The following MSMP variants were observed in gnomAD, a reference collection of about 807,000 sequenced individuals.
MSMP encodes the protein microseminoprotein, prostate associated.
Under a neutral mutation model 15.8 loss-of-function variants are expected in MSMP, and 9 were observed. The ratio of observed to expected loss-of-function variants is 0.57; its 90% CI spans 0.34 to 0.99. The LOEUF is 0.99. Ranked by LOEUF, MSMP falls within the 50% of genes least tolerant of loss-of-function variation. The pLI is 0.02. For missense variants in MSMP, 170 were observed against 173.4 expected (o/e 0.98, Z 0.11); for synonymous variants, 64 against 64.4 (o/e 0.99, Z 0.03).
In MSMP at chr9:35,754,154, C is replaced by G; in HGVS notation, c.-25G>C. 1 of 1,598,602 alleles carries G rather than the reference C, an allele frequency of 6.3e-7. No homozygotes were observed. The highest frequency in any genetic ancestry group is 8.5e-7 in the Non-Finnish European group (1 of 1,170,464). ...TTGCTGCTGCACAGCCCTCTCAGAC[C>G]CTTCTTGGCCTCTGCTCAGCTACTC... On this transcript the variant is annotated 5_prime_UTR_variant, in exon 1 of 3. Coordinates refer to ENST00000436428, the MANE Select transcript of MSMP (RefSeq NM_001044264.3).
At position 35,753,368 on chromosome 9, in the gene MSMP, C is replaced by G; in HGVS notation, c.240-88G>C. ...CATGTTCCCTCTCTCACAGTTTTCC[C>G]CCCACAGAGCCCCTTTCAGTGGCCC... On this transcript the variant is annotated intron_variant, in intron 2 of 2. Transcript: ENST00000436428. The surrounding 1 kb of genome is among the most constrained non-coding windows in gnomAD (Gnocchi z 4.2). 7.0e-7 allele frequency: 1 copy of G among 1,420,538 alleles called. No homozygotes were observed. The allele number at this position is 1,420,538 out of a possible 1,614,324, so 88.0% of individuals were successfully genotyped here.
rs1181901528 is a variant in MSMP, at chr9:35,753,353, C to G, written c.240-73G>C. On this transcript the variant is annotated intron_variant, in intron 2 of 2. Coordinates refer to ENST00000436428, the MANE Select transcript of MSMP (RefSeq NM_001044264.3). This position sits in a 1 kb window ranked among gnomAD's most constrained non-coding sequence, Gnocchi z 4.2. The stretch of plus-strand genomic sequence containing the variant: ...CTTTATCCCTGCCCACATGTTCCCT[C>G]TCTCACAGTTTTCCCCCCACAGAGC... The G allele has an allele frequency of 3.3e-6, 5 of 1,517,154 alleles. No homozygotes were observed. The allele number at this position is 1,517,154 out of a possible 1,614,324, so 94.0% of individuals were successfully genotyped here.
Position 35,753,069 on chromosome 9 carries a change from G to A in MSMP, c.*31C>T. 1 of 1,606,622 alleles carries A rather than the reference G, an allele frequency of 6.2e-7. No homozygotes were observed. The highest frequency in any genetic ancestry group is 8.5e-7 in the Non-Finnish European group (1 of 1,174,342). On this transcript the variant is annotated 3_prime_UTR_variant, in exon 3 of 3. Coordinates refer to ENST00000436428, the MANE Select transcript of MSMP (RefSeq NM_001044264.3). This position sits in a 1 kb window ranked among gnomAD's most constrained non-coding sequence, Gnocchi z 4.2. ...TTTCCCTGGAAGTGGCAGCAGCAGT[G>A]AGCAGTCAGCAGATGGATGATCAGT...
chr9:35,754,041 T>C lies in MSMP; in HGVS notation c.89A>G (p.Gln30Arg), dbSNP rs369618835. 2.0e-5 allele frequency: 32 copies of C among 1,613,776 alleles called. No individual in the cohort carries two copies. The African/African-American group carries it at 4.0e-4, about 20-fold the overall frequency. Residue 30 changes from glutamine (Q) to arginine (R), a missense_variant, in exon 1 of 3, where the codon CAG becomes CGG. By Grantham distance (43) the Gln-to-Arg change is conservative. Transcript: ENST00000436428. ...IICLVMSLLL[Q>R]HPGVYSKCYF... Reference sequence around the variant, plus strand: ...GCACTTGCTGTAGACTCCTGGGTGCTGGAGGAGTAGAGACATCACCAAGCA... The same window carrying C: ...GCACTTGCTGTAGACTCCTGGGTGCCGGAGGAGTAGAGACATCACCAAGCA...
At position 35,753,703 on chromosome 9, in the gene MSMP, G is replaced by A; in HGVS notation, c.196C>T (p.His66Tyr). 6.2e-7 allele frequency: 1 copy of A among 1,614,106 alleles called. No homozygotes were observed. The highest frequency in any genetic ancestry group is 8.5e-7 in the Non-Finnish European group (1 of 1,180,020). The change falls in exon 2 of 3, where the codon CAT becomes TAT. Residue 66 changes from histidine to tyrosine, a missense_variant. Physicochemically the swap from His to Tyr is moderately conservative, Grantham distance 83. Coordinates refer to ENST00000436428, the MANE Select transcript of MSMP (RefSeq NM_001044264.3). This position sits in a 1 kb window ranked among gnomAD's most constrained non-coding sequence, Gnocchi z 4.2. ...GESWLRKDCF[H>Y]CTCLHPVGVG... The stretch of plus-strand genomic sequence containing the variant: ...CCAACAGGATGCAGACAGGTGCAAT[G>A]GAAACAGTCCTTGCGGAGCCAAGAC...
In MSMP at chr9:35,753,685, G is replaced by C; in HGVS notation, c.214C>G (p.Pro72Ala). Reference protein sequence around the residue: ...KDCFHCTCLHPVGVGCCDTSQ... With the variant: ...KDCFHCTCLHAVGVGCCDTSQ... ...GTGTCACAGCAGCCCACGCCAACAG[G>C]ATGCAGACAGGTGCAATGGAAACAG... The change falls in exon 2 of 3, where the codon CCT (proline) becomes GCT (alanine). Residue 72 changes from proline to alanine, a missense_variant. Transcript: ENST00000436428. The surrounding 1 kb of genome is among the most constrained non-coding windows in gnomAD (Gnocchi z 4.2). 6.2e-7 allele frequency: 1 copy of C among 1,614,090 alleles called. No homozygotes were observed. Among genetic ancestry groups the C allele is most frequent in the Non-Finnish European group, 8.5e-7 (1 of 1,179,992 alleles).
At position 35,753,959 on chromosome 9, in the gene MSMP, C is replaced by T; in HGVS notation, c.130+41G>A. ...TAAGGCCCCATCCTCCCTGTGCCCT[C>T]TCTGCTGCTCCTCCATTCCTAACGC... On this transcript the variant is annotated intron_variant, in intron 1 of 2. Coordinates refer to ENST00000436428, the MANE Select transcript of MSMP (RefSeq NM_001044264.3). The surrounding 1 kb of genome is among the most constrained non-coding windows in gnomAD (Gnocchi z 4.2). 1 of 1,591,898 alleles carries T rather than the reference C, an allele frequency of 6.3e-7. No individual in the cohort carries two copies.
chr9:35,754,090 T>A lies in MSMP; in HGVS notation c.40A>T (p.Ile14Phe), dbSNP rs767766047. The part of the protein sequence containing the change: ...RMLWAGQAKG[I>F]LGGWGIICLV... ...CAGATGATCCCCCAGCCTCCTAGGA[T>A]CCCCTTGGCCTGTCCAGCCCAGAGC... The change falls in exon 1 of 3, where the codon ATC (isoleucine) becomes TTC (phenylalanine). Residue 14 changes from isoleucine (I) to phenylalanine (F), a missense_variant. Transcript: ENST00000436428. 6.2e-6 allele frequency: 10 copies of A among 1,613,540 alleles called. No individual in the cohort carries two copies. In the East Asian group the frequency reaches 2.2e-4, roughly 36 times the overall value.
At position 35,753,462 on chromosome 9, in the gene MSMP, C is replaced by A. The variant is rs139485366; in HGVS notation, c.240-182G>T. The A allele has an allele frequency of 4.8e-4, 373 of 780,734 alleles. 2 individuals carry two copies. In the East Asian group the frequency reaches 8.1e-3, roughly 17 times the overall value. 48.4% of individuals were successfully genotyped at this position (780,734 alleles called of 1,614,324 possible). On this transcript the variant is annotated intron_variant, in intron 2 of 2. Transcript: ENST00000436428. The surrounding 1 kb of genome is among the most constrained non-coding windows in gnomAD (Gnocchi z 4.2). ...TTTTGTTTTATAACAGGAGTATTTTCTCTCCAGGTCCACCCCAACCTCCCC... is the reference window on the plus strand; with the variant it reads ...TTTTGTTTTATAACAGGAGTATTTTATCTCCAGGTCCACCCCAACCTCCCC...
At position 35,753,552 on chromosome 9, in the gene MSMP, G is replaced by C; in HGVS notation, c.239+108C>G. On this transcript the variant is annotated intron_variant, in intron 2 of 2. Transcript: ENST00000436428. The surrounding 1 kb of genome is among the most constrained non-coding windows in gnomAD (Gnocchi z 4.2). ...GGTCCCTTCAGGTTTGGCCCATCTT[G>C]TATTGCTCTTCTGTTCATTCTTACA... 1.0e-6 allele frequency: 1 copy of C among 984,314 alleles called. No homozygotes were observed. Among genetic ancestry groups the C allele is most frequent in the South Asian group, 1.6e-5 (1 of 64,300 alleles). The allele number at this position is 984,314 out of a possible 1,614,324, so 61.0% of individuals were successfully genotyped here.
In MSMP at chr9:35,753,821, A is replaced by G; in HGVS notation, c.131-53T>C. 6.4e-7 allele frequency: 1 copy of G among 1,556,228 alleles called. No individual in the cohort carries two copies. The highest frequency in any genetic ancestry group is 8.9e-7 in the Non-Finnish European group (1 of 1,129,298). On this transcript the variant is annotated intron_variant, in intron 1 of 2. Coordinates refer to ENST00000436428, the MANE Select transcript of MSMP (RefSeq NM_001044264.3). The surrounding 1 kb of genome is among the most constrained non-coding windows in gnomAD (Gnocchi z 4.2). ...GTGTAGGAGTGCTGATGAGAGGCAG[A>G]GGCTCTTCTGGTCTGGGGTGGAGAC...
Position 35,753,660 on chromosome 9 carries a change from G to A in MSMP, c.239C>T (p.Thr80Met), listed in dbSNP as rs75446899. 2.8e-3 allele frequency: 4,454 copies of A among 1,612,528 alleles called. 98 individuals carry two copies. The African/African-American group carries it at 0.048, about 17-fold the overall frequency. ...LHPVGVGCCD[T>M]SQHPIDFPAG... ...TCTCTGGCCATCTTTGGTCACTCAC[G>A]TGTCACAGCAGCCCACGCCAACAGG... Residue 80 changes from threonine (T) to methionine (M), a missense_variant and splice_region_variant, in exon 2 of 3, where the codon ACG (threonine) becomes ATG (methionine). By Grantham distance (81) the Thr-to-Met change is moderately conservative. Coordinates refer to ENST00000436428, the MANE Select transcript of MSMP (RefSeq NM_001044264.3). This position sits in a 1 kb window ranked among gnomAD's most constrained non-coding sequence, Gnocchi z 4.2.
chr9:35,753,795 G>T lies in MSMP; in HGVS notation c.131-27C>A, dbSNP rs1185259343. On this transcript the variant is annotated intron_variant, in intron 1 of 2. Transcript: ENST00000436428. This position sits in a 1 kb window ranked among gnomAD's most constrained non-coding sequence, Gnocchi z 4.2. ...TAGGGAAGAACGGGAAATGTTAGTA[G>T]GTGTAGGAGTGCTGATGAGAGGCAG... 2 of 1,598,042 alleles carry T rather than the reference G, an allele frequency of 1.3e-6. No individual in the cohort carries two copies. Among genetic ancestry groups the T allele is most frequent in the Non-Finnish European group, 1.7e-6 (2 of 1,165,942 alleles).
rs573600564 is a variant in MSMP at position 35,754,012 on chromosome 9, A to G, written c.118T>C (p.Phe40Leu). ...QHPGVYSKCY[F>L]QAQAPCHYEG... is the part of the protein sequence containing the mutation. ...CACCCCACTTTACCTTGAGCTTGGA[A>G]GTAGCACTTGCTGTAGACTCCTGGG... Residue 40 changes from phenylalanine (F) to leucine (L), a missense_variant, in exon 1 of 3, where the codon TTC (phenylalanine) becomes CTC (leucine). Transcript: ENST00000436428. The G allele has an allele frequency of 1.2e-4, 196 of 1,613,398 alleles. 1 individual carries two copies. The South Asian group carries it at 2.0e-3, about 16-fold the overall frequency.
rs901302921 is a variant in MSMP at position 35,754,255 on chromosome 9, C to G, written c.-126G>C. On this transcript the variant is annotated 5_prime_UTR_variant, in exon 1 of 3. Coordinates refer to ENST00000436428, the MANE Select transcript of MSMP (RefSeq NM_001044264.3). The stretch of plus-strand genomic sequence containing the variant: ...CTGTCTTTCTCCCCTGGGCTCCTGT[C>G]TCACACTATCTCCCTGCCCTCTGCT... 5.0e-6 allele frequency: 6 copies of G among 1,195,724 alleles called. No homozygotes were observed. Among genetic ancestry groups the G allele is most frequent in the Non-Finnish European group, 6.9e-6 (6 of 866,574 alleles). 74.1% of individuals were successfully genotyped at this position (1,195,724 alleles called of 1,614,324 possible).
rs1201808755 is a variant in MSMP, at chr9:35,753,361, GT to G, written c.240-82del. The G allele has an allele frequency of 5.4e-5, 80 of 1,490,596 alleles. No individual in the cohort carries two copies. The highest frequency in any genetic ancestry group is 2.3e-5 in the East Asian group (1 of 43,446). 92.3% of individuals were successfully genotyped at this position (1,490,596 alleles called of 1,614,324 possible). A position where few individuals can be genotyped will look rare whatever the true frequency, so the allele number is the denominator to read the frequency against. ...CTGCCCACATGTTCCCTCTCTCACA[GT>G]TTTCCCCCCACAGAGCCCCTTTCAG... On this transcript the variant is annotated intron_variant, in intron 2 of 2. Coordinates refer to ENST00000436428, the MANE Select transcript of MSMP (RefSeq NM_001044264.3). The surrounding 1 kb of genome is among the most constrained non-coding windows in gnomAD (Gnocchi z 4.2).
At position 35,753,743 on chromosome 9, in the gene MSMP, A is replaced by G. The variant is rs1293772945; in HGVS notation, c.156T>C (p.Tyr52=). 1.2e-6 allele frequency: 2 copies of G among 1,614,076 alleles called. No individual in the cohort carries two copies. Among genetic ancestry groups the G allele is most frequent in the East Asian group, 2.2e-5 (1 of 44,884 alleles). ...GGAGCCAAGACTCACCCAGGGTAAA[A>G]TATTTCCCCTCATAGTGACAGGGGG... ...AQAPCHYEGK[Y]FTLGESWLRK... The change falls in exon 2 of 3, where the codon TAT becomes TAC. Residue 52 remains tyrosine (Y), a synonymous_variant. Transcript: ENST00000436428. This position sits in a 1 kb window ranked among gnomAD's most constrained non-coding sequence, Gnocchi z 4.2.
Position 35,753,216 on chromosome 9 carries a change from ACTGGCAGGTTC to A in MSMP, c.293_303del (p.Gly98ValfsTer8). The A allele has an allele frequency of 6.2e-7, 1 of 1,614,188 alleles. No homozygotes were observed. Among genetic ancestry groups the A allele is most frequent in the South Asian group, 1.1e-5 (1 of 91,088 alleles). On this transcript the variant is annotated frameshift_variant, in exon 3 of 3. Transcript: ENST00000436428. LOFTEE classifies it high-confidence loss of function. The surrounding 1 kb of genome is among the most constrained non-coding windows in gnomAD (Gnocchi z 4.2). Reference sequence around the variant, plus strand: ...GGGTCAGATTTTTGCACCAAGGAGAACTGGCAGGTTCCTGCCTCCTGACGTACCTCACACCC... The same window carrying A: ...GGGTCAGATTTTTGCACCAAGGAGAACTGCCTCCTGACGTACCTCACACCC...
At position 35,753,962 on chromosome 9, in the gene MSMP, T is replaced by C; in HGVS notation, c.130+38A>G. ...GGCCCCATCCTCCCTGTGCCCTCTC[T>C]GCTGCTCCTCCATTCCTAACGCTTC... On this transcript the variant is annotated intron_variant, in intron 1 of 2. Transcript: ENST00000436428. This position sits in a 1 kb window ranked among gnomAD's most constrained non-coding sequence, Gnocchi z 4.2. 6.3e-7 allele frequency: 1 copy of C among 1,594,722 alleles called. No individual in the cohort carries two copies. The highest frequency in any genetic ancestry group is 8.6e-7 in the Non-Finnish European group (1 of 1,167,474).
Sources: gnomAD v4.1 joint callset for allele counts on GRCh38, gnomAD v4.1.1 for gene constraint, Gnocchi (gnomAD v3.1) non-coding constraint, MANE v1.5 for transcripts, NCBI Gene and HGNC (gene_info 2026-07-23, HGNC 2026-07-21) for gene names.